PLEKHB2: variants seen among roughly 807,000 people sequenced by gnomAD.
PLEKHB2 encodes the protein pleckstrin homology domain containing B2.
In PLEKHB2, 31 loss-of-function variants were observed where a neutral mutation model predicts 36.5. That is an observed-to-expected ratio of 0.85 (90% confidence interval 0.64 to 1.15). The LOEUF (loss-of-function observed/expected upper bound fraction) is 1.15. Among genes scored for constraint, PLEKHB2 ranks in the 50% most tolerant of loss-of-function variants. PLEKHB2 has a pLI of 0.00. For synonymous variants in PLEKHB2, 119 were observed against 112.0 expected, an observed-to-expected ratio of 1.06 and a Z score of -0.39; for missense variants, 262 against 295.3, an observed-to-expected ratio of 0.89 and a Z score of 0.83.
At chr2:131,137,148 T>C (rs1415263086) in intron 6 of PLEKHB2, among the ~76,000 whole-genome samples, 1 of 152,038 alleles carries the variant, frequency 6.6e-6, no homozygotes. Context: ...GGGGTTTCAC[T>C]GTGTTAGCCA....
chr2:131,110,885 A>G (rs1695241730), intron 1 of PLEKHB2, among the ~76,000 whole-genome samples: 1 of 152,170 alleles, frequency 6.6e-6, no homozygotes, highest in East Asian at 1.9e-4. Context: ...AAAATTCATC[A>G]TGCTGGACAG....
At chr2:131,132,754 T>C in intron 5 of PLEKHB2, 148 bp from the exon 6 acceptor site, 1 of 549,008 alleles carries the variant, frequency 1.8e-6, no homozygotes, top group Non-Finnish European at 3.3e-6. Flanking sequence ...CCCACTGGAC[T>C]GGGGGAGTTT....
At chr2:131,130,817 C>T (rs1573591465) in intron 5 of PLEKHB2, 57 bp downstream of exon 5, 2 of 1,260,810 alleles carry the variant, frequency 1.6e-6, no homozygotes, top group Admixed American at 1.7e-5. Flanking sequence ...AGGTGTCACT[C>T]TCACTCAGGC....
At chr2:131,140,983 G>A (rs1254397327) in intron 7 of PLEKHB2, among the ~76,000 whole-genome samples, 2 of 152,328 alleles carry the variant, frequency 1.3e-5, no homozygotes, top group African/African-American at 4.8e-5. Flanking sequence ...GCTCAGGAGA[G>A]ACAGGAATGT....
At chr2:131,124,429 G>A (rs967566060) in intron 2 of PLEKHB2, among the ~76,000 whole-genome samples, 1 of 152,228 alleles carries the variant, frequency 6.6e-6, no homozygotes, top group Non-Finnish European at 1.5e-5. Flanking sequence ...GTAAAGAGAT[G>A]ACCGGAGCTA....
At chr2:131,132,191 T>A (rs1461563646) in intron 5 of PLEKHB2, among the ~76,000 whole-genome samples, 1 of 152,132 alleles carries the variant, frequency 6.6e-6, no homozygotes, top group Admixed American at 6.6e-5. Flanking sequence ...GGGGAGTAAT[T>A]TAATGAAGAA....
rs534301400 is a variant in PLEKHB2, at chr2:131,122,484, T to A, written c.37+1506T>A. 2.0e-5 allele frequency among the ~76,000 whole-genome samples: 3 copies of A among 152,372 alleles called. No homozygotes were observed. In the East Asian group the frequency reaches 5.8e-4, roughly 29 times the overall value. ...GAGATGGTTTATCAAAACTATTGTT[T>A]ACGAATTGTTTGTGTTCCTGTTAAA... is the stretch of plus-strand genomic sequence containing the variant. On this transcript the variant is annotated intron_variant, in intron 2 of 7. Coordinates refer to ENST00000693505, the MANE Select transcript of PLEKHB2 (RefSeq NM_001100623.2).
intron 1 of PLEKHB2, among the ~76,000 whole-genome samples, chr2:131,113,723 T>G (rs1301649887): frequency 5.3e-5 from 8 of 152,164 alleles, no homozygotes; most frequent in Non-Finnish European, 1.0e-4. Flanking sequence ...AGGAAGAAGA[T>G]GGAGAATTTG....
At chr2:131,119,290 C>T (rs923025698) in intron 1 of PLEKHB2, among the ~76,000 whole-genome samples, 4 of 152,128 alleles carry the variant, frequency 2.6e-5, no homozygotes, top group Non-Finnish European at 5.9e-5. Flanking sequence ...TTAACTGTTT[C>T]AAACAGTACA....
rs538774135 is a variant in PLEKHB2, at chr2:131,139,321, A to G, written c.424-846A>G. 5.8e-3 allele frequency among the ~76,000 whole-genome samples: 887 copies of G among 152,260 alleles called. 9 individuals carry two copies. Among genetic ancestry groups the G allele is most frequent in the African/African-American group, 0.02 (818 of 41,550 alleles). ...TCTTCTTGTGTTTGCTTTGTATATA[A>G]TGACCAGAGATTGTAGCTGTACTTA... On this transcript the variant is annotated intron_variant, in intron 6 of 7. Transcript: ENST00000693505.
chr2:131,133,556 C>A (rs1697935489), intron 6 of PLEKHB2, among the ~76,000 whole-genome samples: 1 of 152,202 alleles, frequency 6.6e-6, no homozygotes, highest in African/African-American at 2.4e-5. Context: ...AATATTCGAT[C>A]AAATTAAACC....
At chr2:131,110,165 G>T (rs1695149167) in intron 1 of PLEKHB2, among the ~76,000 whole-genome samples, 1 of 151,990 alleles carries the variant, frequency 6.6e-6, no homozygotes, top group South Asian at 2.1e-4. Flanking sequence ...AATTGCTATT[G>T]ATTTACATGT....
intron 5 of PLEKHB2, among the ~76,000 whole-genome samples, 186 bp downstream of exon 5, chr2:131,130,946 C>A (rs1697612506): frequency 6.6e-6 from 1 of 152,114 alleles, no homozygotes; most frequent in Admixed American, 6.6e-5. Flanking sequence ...CTACCACGCC[C>A]AGCTTATTTG....
chr2:131,138,623 G>A (rs567180102), intron 6 of PLEKHB2, among the ~76,000 whole-genome samples: 36 of 152,120 alleles, frequency 2.4e-4, no homozygotes, highest in Admixed American at 2.2e-3. Flanking sequence ...CACTGCAGAG[G>A]GGGTTGTGAA....
At chr2:131,130,855 A>C in intron 5 of PLEKHB2, 95 bp downstream of exon 5, 1 of 840,784 alleles carries the variant, frequency 1.2e-6, no homozygotes, top group Non-Finnish European at 2.0e-6. Flanking sequence ...GTCTCACCTC[A>C]CTGCAGCCTC....
chr2:131,118,208 C>A (rs778158281), intron 1 of PLEKHB2, among the ~76,000 whole-genome samples: 1 of 152,126 alleles, frequency 6.6e-6, no homozygotes, highest in Non-Finnish European at 1.5e-5. Context: ...CTGTTAACAT[C>A]ATCTTAGAGA....
In PLEKHB2 at chr2:131,120,952, T is replaced by G. The variant is rs1696450568; in HGVS notation, c.11T>G (p.Val4Gly). Residue 4 changes from valine to glycine, a missense_variant, in exon 2 of 8, where the codon GTG (valine) becomes GGG (glycine). Transcript: ENST00000693505. ...TCTGTAGGTGAAGAGATGGCGTTTG[T>G]GAAGAGTGGCTGGTTGCTGCGACAG... Reference protein sequence around the residue: MAFVKSGWLLRQST... With the variant: MAFGKSGWLLRQST... The G allele has an allele frequency of 6.2e-7, 1 of 1,614,242 alleles. No homozygotes were observed. The highest frequency in any genetic ancestry group is 2.2e-5 in the East Asian group (1 of 44,880).
At chr2:131,138,499 A>G (rs1698485103) in intron 6 of PLEKHB2, among the ~76,000 whole-genome samples, 1 of 152,066 alleles carries the variant, frequency 6.6e-6, no homozygotes, top group Non-Finnish European at 1.5e-5. Flanking sequence ...TCTTATTTAA[A>G]TCTCATGTTT....
intron 1 of PLEKHB2, among the ~76,000 whole-genome samples, chr2:131,113,756 T>C (rs1695572598): frequency 6.6e-6 from 1 of 152,220 alleles, no homozygotes; most frequent in Non-Finnish European, 1.5e-5. Context: ...TATATTCTTC[T>C]AAGTGTGGCC....
Sources: gnomAD v4.1 joint callset for allele counts (sites outside exome capture counted in the v4.1 genomes callset) on GRCh38, gnomAD v4.1.1 for gene constraint, MANE v1.5 for transcripts, NCBI Gene and HGNC (gene_info 2026-07-23, HGNC 2026-07-21) for gene names.